COPA: variants seen among roughly 807,000 people sequenced by gnomAD.
The protein encoded by COPA is coat protein complex I subunit alpha, also known as coatomer subunit alpha.
A neutral mutation model predicts 158.7 loss-of-function variants in COPA; 10 were observed. That is an observed-to-expected ratio of 0.06 (90% confidence interval 0.04 to 0.11). COPA has a LOEUF of 0.11. Ranked by LOEUF, COPA falls within the 10% of genes least tolerant of loss-of-function variation. COPA has a pLI of 1.00. For synonymous variants in COPA, 462 were observed against 542.8 expected (o/e 0.85, Z 2.07); for missense variants, 1,065 against 1,536.7 (o/e 0.69, Z 5.13).
Position 160,315,072 on chromosome 1 carries a change from T to C in COPA, c.707-947A>G, listed in dbSNP as rs371145028. On this transcript the variant is annotated intron_variant, in intron 8 of 32. Transcript: ENST00000241704. Reference sequence around the variant, plus strand: ...ATTTTCATCAGCAACAACCCAGAACTCAAATATGACAATGAGACAGTTCCT... The same window carrying C: ...ATTTTCATCAGCAACAACCCAGAACCCAAATATGACAATGAGACAGTTCCT... Among the ~76,000 whole-genome samples the C allele has an allele frequency of 5.9e-5, 9 of 151,976 alleles. No individual in the cohort carries two copies. In the South Asian group the frequency reaches 1.9e-3, roughly 32 times the overall value.
intron 8 of COPA, among the ~76,000 whole-genome samples, chr1:160,319,569 G>A (rs1213566066): frequency 2.0e-5 from 3 of 148,346 alleles, no homozygotes; most frequent in African/African-American, 7.5e-5. Flanking sequence ...TTCACCCAAC[G>A]GCTACAGAAT....
At chr1:160,317,620 A>T in intron 8 of COPA, 1 of 1,549,748 alleles carries the variant, frequency 6.5e-7, no homozygotes, top group Non-Finnish European at 8.9e-7. Flanking sequence ...AATTGCTGAT[A>T]ATCATACTCC....
rs369979999 is a variant in COPA, at chr1:160,305,474, G to C, written c.1626C>G (p.Ile542Met). 3 of 1,614,134 alleles carry C rather than the reference G, an allele frequency of 1.9e-6. No homozygotes were observed. Among genetic ancestry groups the C allele is most frequent in the Admixed American group, 1.7e-5 (1 of 60,018 alleles). Reference sequence around the variant, plus strand: ...ATTTGATGTGGTTGCTTGTGGTATAGATAAATACCCCACTCTCATCCCAGG... The same window carrying C: ...ATTTGATGTGGTTGCTTGTGGTATACATAAATACCCCACTCTCATCCCAGG... ...SGAWDESGVF[I>M]YTTSNHIKYA... Residue 542 changes from isoleucine to methionine, a missense_variant, in exon 17 of 33, where the codon ATC (isoleucine) becomes ATG (methionine). Transcript: ENST00000241704.
intron 7 of COPA, among the ~76,000 whole-genome samples, chr1:160,324,006 A>G (rs1659414022): frequency 6.6e-6 from 1 of 151,910 alleles, no homozygotes; most frequent in African/African-American, 2.4e-5. Context: ...GATTACAGGC[A>G]CCCACCACCA....
At chr1:160,335,570 A>G (rs1223749476) in intron 3 of COPA, among the ~76,000 whole-genome samples, 1 of 152,162 alleles carries the variant, frequency 6.6e-6, no homozygotes, top group East Asian at 1.9e-4. Flanking sequence ...GGATTAGGGA[A>G]AAGCTAAAGA....
At chr1:160,324,457 ATTT>A (rs36119799) in intron 7 of COPA, among the ~76,000 whole-genome samples, 31,465 of 131,726 alleles carry the variant, frequency 0.24, 4,345 homozygotes, top group Non-Finnish European at 0.32. Context: ...CGCCCAGCTA[ATTT>A]TTTTTTTTTT....
At chr1:160,305,350 A>G in intron 17 of COPA, 83 bp downstream of exon 17, 1 of 1,384,388 alleles carries the variant, frequency 7.2e-7, no homozygotes. Flanking sequence ...AAATTCATGG[A>G]GGACTTCAGT....
intron 15 of COPA, among the ~76,000 whole-genome samples, 188 bp downstream of exon 15, chr1:160,306,166 T>A (rs1435180015): frequency 6.6e-6 from 1 of 152,206 alleles, no homozygotes; most frequent in Non-Finnish European, 1.5e-5. Flanking sequence ...AGAATCTCAC[T>A]GTAATGCTAG....
chr1:160,290,349 G>A (rs1658184688), intron 32 of COPA, 133 bp from the exon 33 acceptor site: 2 of 1,352,244 alleles, frequency 1.5e-6, no homozygotes, highest in Admixed American at 1.9e-5. Flanking sequence ...GCCAAGAGCA[G>A]TGGGGAGATG....
chr1:160,333,476 A>T, intron 5 of COPA, 127 bp downstream of exon 5: 1 of 610,842 alleles, frequency 1.6e-6, no homozygotes, highest in Non-Finnish European at 2.8e-6. Flanking sequence ...CATCCTACAA[A>T]TACAATCAGT....
intron 7 of COPA, among the ~76,000 whole-genome samples, chr1:160,324,022 G>A (rs1364427023): frequency 6.6e-6 from 1 of 151,800 alleles, no homozygotes; most frequent in Non-Finnish European, 1.5e-5. Context: ...CACCATACCC[G>A]GCTAATTTTT....
intron 6 of COPA, among the ~76,000 whole-genome samples, chr1:160,330,945 G>A (rs1002384268): frequency 5.9e-5 from 9 of 152,096 alleles, no homozygotes; most frequent in African/African-American, 2.2e-4. Context: ...AGGCAAAGGT[G>A]GGTGGATCAC....
At chr1:160,309,550 A>C (rs1658894973) in intron 12 of COPA, among the ~76,000 whole-genome samples, 1 of 152,154 alleles carries the variant, frequency 6.6e-6, no homozygotes, top group African/African-American at 2.4e-5. Context: ...AAGACATCAA[A>C]GAAAAGACAC....
intron 19 of COPA, among the ~76,000 whole-genome samples, chr1:160,297,961 C>T (rs912074269): frequency 2.6e-5 from 4 of 151,970 alleles, no homozygotes; most frequent in Non-Finnish European, 5.9e-5. Flanking sequence ...AGGCGGATCC[C>T]GAGGTCAAGA....
rs769476860 is a variant in COPA, at chr1:160,291,941, G to A, written c.3148-12C>T. 2 of 1,614,154 alleles carry A rather than the reference G, an allele frequency of 1.2e-6. No individual in the cohort carries two copies. Among genetic ancestry groups the A allele is most frequent in the Non-Finnish European group, 8.5e-7 (1 of 1,180,014 alleles). On this transcript the variant is annotated splice_polypyrimidine_tract_variant and intron_variant, in intron 29 of 32. Transcript: ENST00000241704. ...ATGAGCTGCTGGGCCTGTAGAGGGG[G>A]CAGAAGGTCAGGATACAGAGACAAG...
Position 160,320,290 on chromosome 1 carries a change from T to C in COPA, c.706+3141A>G, listed in dbSNP as rs533414833. Among the ~76,000 whole-genome samples, 5 of 152,128 alleles carry C rather than the reference T, an allele frequency of 3.3e-5. No individual in the cohort carries two copies. The East Asian group carries it at 9.7e-4, about 29-fold the overall frequency. On this transcript the variant is annotated intron_variant, in intron 8 of 32. Transcript: ENST00000241704. ...AGAAAACTTACAAGAAATGGATATATTCCTAGACACATACAACCTACAAAG... is the reference window on the plus strand; with the variant it reads ...AGAAAACTTACAAGAAATGGATATACTCCTAGACACATACAACCTACAAAG...
intron 8 of COPA, chr1:160,317,684 TGGG>T (rs1004156971): frequency 2.0e-6 from 3 of 1,489,598 alleles, no homozygotes; most frequent in African/African-American, 2.8e-5. Context: ...CAGGAACAAA[TGGG>T]GGGTCATTCA....
At chr1:160,299,508 T>G (rs1327006888) in intron 17 of COPA, among the ~76,000 whole-genome samples, 1 of 152,208 alleles carries the variant, frequency 6.6e-6, no homozygotes, top group Non-Finnish European at 1.5e-5. Flanking sequence ...GCTATAGGAA[T>G]CAGACCTAAA....
chr1:160,335,883 CAAAA>C (rs10562824), intron 3 of COPA, among the ~76,000 whole-genome samples: 1 of 68,008 alleles, frequency 1.5e-5, no homozygotes, highest in Non-Finnish European at 2.7e-5. Context: ...GACTCAGTCT[CAAAA>C]AAAAAAAAAA....
Sources: allele counts gnomAD v4.1 joint callset (sites outside exome capture counted in the v4.1 genomes callset), GRCh38; gene constraint gnomAD v4.1.1; transcripts MANE v1.5; gene names NCBI Gene and HGNC (gene_info 2026-07-23, HGNC 2026-07-21).